Variants in RBFOX3 observed in about 807,000 individuals in gnomAD.
RBFOX3 encodes the protein RNA binding fox-1 homolog 3, also known as RNA binding protein fox-1 homolog 3.
In RBFOX3, 17 loss-of-function variants were observed where a neutral mutation model predicts 48.7. The ratio of observed to expected loss-of-function variants is 0.35; its 90% CI spans 0.24 to 0.52. The LOEUF is 0.52. Ranked by LOEUF, RBFOX3 falls within the 20% of genes least tolerant of loss-of-function variation. The pLI, the probability that RBFOX3 is intolerant of heterozygous loss-of-function variation, is 0.94. For synonymous variants in RBFOX3, 212 were observed against 209.5 expected (o/e 1.01, Z -0.10); for missense variants, 382 against 497.5 (o/e 0.77, Z 2.21).
chr17:79,504,532 A>G (rs2082817815), intron 1 of RBFOX3, among the ~76,000 whole-genome samples: 1 of 152,226 alleles, frequency 6.6e-6, no homozygotes, highest in Non-Finnish European at 1.5e-5. Flanking sequence ...CAGAGGCTCC[A>G]GGAGAGAAGC....
intron 4 of RBFOX3, among the ~76,000 whole-genome samples, chr17:79,155,361 GCTGGGCACTGCCCGCTCT>G (rs1350804936): frequency 1.3e-5 from 2 of 152,220 alleles, no homozygotes; most frequent in Non-Finnish European, 1.5e-5. Context: ...CAACAGTGGA[GCTGGGCACTGCCCGCTCT>G]CGGGCAGGAA....
intron 4 of RBFOX3, among the ~76,000 whole-genome samples, chr17:79,206,727 A>G (rs2057545168): frequency 6.6e-6 from 1 of 152,146 alleles, no homozygotes; most frequent in African/African-American, 2.4e-5. Context: ...CGGCCAGTTA[A>G]CACCCCATGG....
intron 4 of RBFOX3, among the ~76,000 whole-genome samples, chr17:79,133,890 C>T (rs1022046307): frequency 1.3e-5 from 2 of 152,230 alleles, no homozygotes; most frequent in Non-Finnish European, 2.9e-5. Flanking sequence ...AGCCCCTGGG[C>T]CTCTCTCCCC....
intron 1 of RBFOX3, among the ~76,000 whole-genome samples, chr17:79,555,021 C>T (rs1260057303): frequency 6.6e-6 from 1 of 152,212 alleles, no homozygotes; most frequent in African/African-American, 2.4e-5. Context: ...GTCCACAGGG[C>T]AGGGCAGCCA....
chr17:79,355,982 A>G (rs928581994), intron 2 of RBFOX3, among the ~76,000 whole-genome samples: 3 of 152,196 alleles, frequency 2.0e-5, no homozygotes, highest in Non-Finnish European at 4.4e-5. Context: ...GGTAATTTCC[A>G]TAGTCTGACA....
chr17:79,279,211 A>G (rs2069660587), intron 3 of RBFOX3, among the ~76,000 whole-genome samples: 1 of 152,072 alleles, frequency 6.6e-6, no homozygotes, highest in South Asian at 2.1e-4. Flanking sequence ...AGCCAGGAGA[A>G]AAAGATACAG....
chr17:79,429,423 T>C (rs2068012730), intron 2 of RBFOX3, among the ~76,000 whole-genome samples: 1 of 151,974 alleles, frequency 6.6e-6, no homozygotes, highest in South Asian at 2.1e-4. Flanking sequence ...CAGCAGGTGA[T>C]GGGAGGAGAA....
At chr17:79,185,954 G>A (rs146392511) in intron 4 of RBFOX3, among the ~76,000 whole-genome samples, 1 of 152,318 alleles carries the variant, frequency 6.6e-6, no homozygotes, top group African/African-American at 2.4e-5. Flanking sequence ...CTAATGTACT[G>A]AGAGCTTTGA....
intron 2 of RBFOX3, among the ~76,000 whole-genome samples, chr17:79,470,243 C>T (rs375524393): frequency 2.0e-5 from 3 of 148,976 alleles, no homozygotes; most frequent in East Asian, 4.0e-4. Context: ...CACCGCAGCC[C>T]CAGTGGCCCA....
the RBFOX3 span, among the ~76,000 whole-genome samples, chr17:79,621,136 C>T: frequency 6.6e-6 from 1 of 151,928 alleles, no homozygotes; most frequent in Non-Finnish European, 1.5e-5. Context: ...GTAGCTGGGA[C>T]TACAGGCACG....
chr17:79,509,487 G>T (rs1318481183), intron 1 of RBFOX3, among the ~76,000 whole-genome samples: 2 of 151,784 alleles, frequency 1.3e-5, no homozygotes, highest in Non-Finnish European at 2.9e-5. Context: ...ACTGACCGAT[G>T]CTCAGGCCGA....
intron 14 of RBFOX3, among the ~76,000 whole-genome samples, chr17:79,092,992 C>A (rs1174121550): frequency 1.3e-5 from 2 of 151,972 alleles, no homozygotes; most frequent in African/African-American, 4.9e-5. Context: ...CCTCCTCGCA[C>A]CCCAGCAGGG....
Position 79,366,225 on chromosome 17 carries a change from C to T in RBFOX3, c.-174-58401G>A, listed in dbSNP as rs141929295. Among the ~76,000 whole-genome samples, 129 of 152,318 alleles carry T rather than the reference C, an allele frequency of 8.5e-4. 1 individual carries two copies. The highest frequency in any genetic ancestry group is 2.8e-3 in the African/African-American group (117 of 41,560). Reference sequence around the variant, plus strand: ...TGTGGTCCAAGTCATGCCCAGGCACCGCACTAGTCTTTCTGGTAGACGATC... The same window carrying T: ...TGTGGTCCAAGTCATGCCCAGGCACTGCACTAGTCTTTCTGGTAGACGATC... On this transcript the variant is annotated intron_variant, in intron 2 of 14. Coordinates refer to ENST00000693108, the MANE Select transcript of RBFOX3 (RefSeq NM_001350451.2).
chr17:79,574,024 T>C (rs1394924580), intron 1 of RBFOX3, among the ~76,000 whole-genome samples: 2 of 152,084 alleles, frequency 1.3e-5, no homozygotes, highest in Non-Finnish European at 2.9e-5. Context: ...GGCTGCCCAC[T>C]GGAGAAGGTG....
chr17:79,228,017 C>T (rs577602410), intron 4 of RBFOX3, among the ~76,000 whole-genome samples: 1 of 152,314 alleles, frequency 6.6e-6, no homozygotes, highest in Admixed American at 6.5e-5. Context: ...GTAAGGCCTG[C>T]AGGGTCAGAA....
intron 2 of RBFOX3, among the ~76,000 whole-genome samples, chr17:79,449,575 A>G (rs1270121987): frequency 2.7e-5 from 4 of 150,464 alleles, no homozygotes; most frequent in Non-Finnish European, 5.9e-5. Flanking sequence ...TCATCATTCA[A>G]TTATAGGTGA....
In RBFOX3 at chr17:79,195,456, C is replaced by A. The variant is rs1332022123; in HGVS notation, c.-34+40310G>T. 6.6e-6 allele frequency among the ~76,000 whole-genome samples: 1 copy of A among 152,102 alleles called. No homozygotes were observed. Among genetic ancestry groups the A allele is most frequent in the Non-Finnish European group, 1.5e-5 (1 of 68,020 alleles). On this transcript the variant is annotated intron_variant, in intron 4 of 14. Transcript: ENST00000693108. This position sits in a 1 kb window ranked among gnomAD's most constrained non-coding sequence, Gnocchi z 5.3. ...AAATGCAAAGCCAACTGGGTCTCTT[C>A]TTAGAGTAAGGCCGCACGCAAGTCT...
At chr17:79,098,616 GGAACCCAGGA>G (rs1218565273) in intron 9 of RBFOX3, 3 of 152,360 alleles carry the variant, frequency 2.0e-5, no homozygotes, top group Admixed American at 1.3e-4. Context: ...TCTCCCCGGG[GGAACCCAGGA>G]GCAGAGCAAA....
intron 4 of RBFOX3, among the ~76,000 whole-genome samples, chr17:79,230,718 C>T (rs546015895): frequency 1.4e-4 from 22 of 152,258 alleles, no homozygotes; most frequent in African/African-American, 4.6e-4. Flanking sequence ...TGTCTCTACA[C>T]TAGGACTGTG....
Sources: gnomAD v4.1 joint callset for allele counts (sites outside exome capture counted in the v4.1 genomes callset) on GRCh38, gnomAD v4.1.1 for gene constraint, Gnocchi (gnomAD v3.1) non-coding constraint, MANE v1.5 for transcripts, NCBI Gene and HGNC (gene_info 2026-07-23, HGNC 2026-07-21) for gene names.